IGDCC3: variants seen among roughly 807,000 people sequenced by gnomAD.
IGDCC3 encodes putative neuronal cell adhesion molecule.
In IGDCC3, 47 loss-of-function variants were observed where a neutral mutation model predicts 72.0. That is an observed-to-expected ratio of 0.65 (90% CI 0.52 to 0.83). The LOEUF (loss-of-function observed/expected upper bound fraction) is 0.83, where lower values mean the gene tolerates loss of function less well. IGDCC3 is among the 40% of genes least tolerant of loss of function. The pLI is 0.00. For synonymous variants in IGDCC3, 477 were observed against 472.8 expected, an observed-to-expected ratio of 1.01 and a Z score of -0.11; for missense variants, 1,038 against 1,091.3, an observed-to-expected ratio of 0.95 and a Z score of 0.69.
intron 6 of IGDCC3, among the ~76,000 whole-genome samples, chr15:65,332,375 G>A (rs1345496619): frequency 1.3e-5 from 2 of 152,136 alleles, no homozygotes; most frequent in Non-Finnish European, 2.9e-5. Context: ...ATTTGTATCC[G>A]AAAGCAATCA....
intron 7 of IGDCC3, 51 bp downstream of exon 7, chr15:65,331,889 CG>C (rs2090980961): frequency 1.3e-6 from 2 of 1,571,604 alleles, no homozygotes; most frequent in African/African-American, 1.3e-5. Context: ...CTCCAGGCCC[CG>C]CTTTCCCTGC....
At chr15:65,336,519 T>C (rs74020997) in intron 2 of IGDCC3, among the ~76,000 whole-genome samples, 2,510 of 152,006 alleles carry the variant, frequency 0.017, 59 homozygotes, top group African/African-American at 0.056. Flanking sequence ...AGCTTTTTTT[T>C]GGTCCCTCCT....
chr15:65,335,286 C>G lies in IGDCC3; in HGVS notation c.685+5G>C, dbSNP rs1414454466. 3.7e-6 allele frequency: 6 copies of G among 1,605,462 alleles called. No individual in the cohort carries two copies. The highest frequency in any genetic ancestry group is 5.1e-6 in the Non-Finnish European group (6 of 1,175,636). On this transcript the variant is annotated splice_donor_5th_base_variant and intron_variant, in intron 4 of 13. Coordinates refer to ENST00000327987, the MANE Select transcript of IGDCC3 (RefSeq NM_004884.4). ...GGTTGGGGGAAAGTGCTGAAGGACC[C>G]TCACCTGACACAGTGAGCCTGGCCC...
chr15:65,334,739 C>A lies in IGDCC3; in HGVS notation c.812G>T (p.Trp271Leu). The change falls in exon 5 of 14, where the codon TGG (tryptophan) becomes TTG (leucine). Residue 271 changes from tryptophan to leucine, a missense_variant. By Grantham distance (61) the Trp-to-Leu change is moderately conservative. Coordinates refer to ENST00000327987, the MANE Select transcript of IGDCC3 (RefSeq NM_004884.4). Reference sequence around the variant, plus strand: ...GGGATGAGGCTCACCCAGGCGGCTCCAGGACACAATGGGGCGCGGGTTGCC... The same window carrying A: ...GGGATGAGGCTCACCCAGGCGGCTCAAGGACACAATGGGGCGCGGGTTGCC... ...ATGNPRPIVS[W>L]SRLDGRPIGV... 6.3e-7 allele frequency: 1 copy of A among 1,578,144 alleles called. No homozygotes were observed. Among genetic ancestry groups the A allele is most frequent in the East Asian group, 2.3e-5 (1 of 42,926 alleles).
At position 65,331,044 on chromosome 15, in the gene IGDCC3, C is replaced by A. The variant is rs368505415; in HGVS notation, c.1561+6G>T. On this transcript the variant is annotated splice_donor_region_variant and intron_variant, in intron 9 of 13. Coordinates refer to ENST00000327987, the MANE Select transcript of IGDCC3 (RefSeq NM_004884.4). ...TGTGGTTTTGTGCTCCACACCCAGG[C>A]CTCACCTTCACCCAGGGTGCTAGCT... The A allele has an allele frequency of 1.2e-5, 19 of 1,612,972 alleles. No individual in the cohort carries two copies. The highest frequency in any genetic ancestry group is 2.2e-5 in the South Asian group (2 of 90,966).
Position 65,329,559 on chromosome 15 carries a change from G to A in IGDCC3, c.2036C>T (p.Pro679Leu). 6.2e-7 allele frequency: 1 copy of A among 1,611,680 alleles called. No homozygotes were observed. The highest frequency in any genetic ancestry group is 1.3e-5 in the African/African-American group (1 of 74,824). Residue 679 changes from proline to leucine, a missense_variant, in exon 13 of 14, where the codon CCT becomes CTT. Pro to Leu is a moderately conservative substitution (Grantham distance 98). Coordinates refer to ENST00000327987, the MANE Select transcript of IGDCC3 (RefSeq NM_004884.4). This position sits in a 1 kb window ranked among gnomAD's most constrained non-coding sequence, Gnocchi z 4.1. ...CCTCTGGCTCCGGGGACCCTGTGGAGGGGACAGCTGGTTTTCCACATCTTT... is the reference window on the plus strand; with the variant it reads ...CCTCTGGCTCCGGGGACCCTGTGGAAGGGACAGCTGGTTTTCCACATCTTT... ...LCKDVENQLS[P>L]PQGPRSQRDP... is the part of the protein sequence containing the mutation.
At chr15:65,362,378 C>G (rs558286) in intron 2 of IGDCC3, among the ~76,000 whole-genome samples, 18,951 of 152,056 alleles carry the variant, frequency 0.12, 2,470 homozygotes, top group East Asian at 0.45. Context: ...GGAGGGTGCA[C>G]AGGTAGGCAT....
chr15:65,333,170 G>A (rs2090994284), intron 6 of IGDCC3, 87 bp downstream of exon 6: 27 of 1,334,136 alleles, frequency 2.0e-5, no homozygotes, highest in Non-Finnish European at 2.5e-5. Context: ...ACTGGGGTGG[G>A]ACAGGGCCCT....
chr15:65,344,916 A>G (rs1056390973), intron 2 of IGDCC3, among the ~76,000 whole-genome samples: 25 of 152,090 alleles, frequency 1.6e-4, no homozygotes, highest in Non-Finnish European at 4.4e-5. Flanking sequence ...AGCCTCTTAC[A>G]TTCAGGGAGG....
At chr15:65,367,163 G>T (rs548985996) in intron 2 of IGDCC3, among the ~76,000 whole-genome samples, 3 of 152,184 alleles carry the variant, frequency 2.0e-5, no homozygotes, top group African/African-American at 7.2e-5. Context: ...GGCCAACATG[G>T]TGAAACCCCG....
intron 2 of IGDCC3, among the ~76,000 whole-genome samples, chr15:65,370,620 G>GTGTA (rs1491326161): frequency 1.9e-4 from 18 of 94,578 alleles, no homozygotes; most frequent in African/African-American, 4.5e-4. Context: ...ATATGTATGT[G>GTGTA]TATATATATA....
In IGDCC3 at chr15:65,328,930, C is replaced by T. The variant is rs1359462595; in HGVS notation, c.2424G>A (p.Gln808=). The change falls in exon 14 of 14, where the codon CAG becomes CAA. Residue 808 remains glutamine (Q), a synonymous_variant. Coordinates refer to ENST00000327987, the MANE Select transcript of IGDCC3 (RefSeq NM_004884.4). The stretch of plus-strand genomic sequence containing the variant: ...CTGGCTACTGTTCCGAGTGAGCTGG[C>T]TGGGTAACCCGGGCCGCTGCAGGCC... The part of the protein sequence containing the change: ...ASRPAAARVT[Q]PAHSEQ 2 of 1,549,648 alleles carry T rather than the reference C, an allele frequency of 1.3e-6. No homozygotes were observed. The highest frequency in any genetic ancestry group is 1.7e-6 in the Non-Finnish European group (2 of 1,151,582).
intron 2 of IGDCC3, chr15:65,355,621 C>T (rs2091212328): frequency 3.2e-6 from 1 of 317,410 alleles, no homozygotes. Context: ...CGCAGCTGCG[C>T]CCCGGCCCGC....
At chr15:65,370,645 TATAA>T (rs1291295066) in intron 2 of IGDCC3, among the ~76,000 whole-genome samples, 44 of 141,568 alleles carry the variant, frequency 3.1e-4, no homozygotes, top group Non-Finnish European at 6.3e-4. Flanking sequence ...TATATATATA[TATAA>T]AATTAGTACC....
At chr15:65,342,849 G>GT (rs944758166) in intron 2 of IGDCC3, among the ~76,000 whole-genome samples, 2 of 151,166 alleles carry the variant, frequency 1.3e-5, no homozygotes, top group African/African-American at 4.9e-5. Context: ...TTGCTTTTGT[G>GT]TTTGTTTGTT....
chr15:65,336,448 A>G (rs1221207906), intron 2 of IGDCC3, among the ~76,000 whole-genome samples: 1 of 152,036 alleles, frequency 6.6e-6, no homozygotes, highest in East Asian at 1.9e-4. Context: ...AAGGGAAGCA[A>G]TTAGTCCTTT....
At chr15:65,337,651 T>C (rs1042305729) in intron 2 of IGDCC3, among the ~76,000 whole-genome samples, 21 of 152,100 alleles carry the variant, frequency 1.4e-4, no homozygotes, top group African/African-American at 4.1e-4. Context: ...GCCCAGGGAC[T>C]TGGGGGAGGG....
chr15:65,366,347 C>G (rs977230992), intron 2 of IGDCC3, among the ~76,000 whole-genome samples: 1 of 151,898 alleles, frequency 6.6e-6, no homozygotes, highest in Admixed American at 6.6e-5. Flanking sequence ...CCAGCCTGGG[C>G]AGCAGAGTGA....
intron 2 of IGDCC3, among the ~76,000 whole-genome samples, chr15:65,357,646 T>C (rs563962271): frequency 2.0e-5 from 3 of 152,352 alleles, no homozygotes; most frequent in Admixed American, 2.0e-4. Context: ...GCACTAGTAG[T>C]GACAGTGATA....
Sources: allele counts gnomAD v4.1 joint callset (sites outside exome capture counted in the v4.1 genomes callset), GRCh38; gene constraint gnomAD v4.1.1; non-coding constraint Gnocchi (gnomAD v3.1); transcripts MANE v1.5; gene names NCBI Gene and HGNC (gene_info 2026-07-23, HGNC 2026-07-21).